TTC13: variants seen among roughly 807,000 people sequenced by gnomAD.
TTC13 encodes tetratricopeptide repeat protein 13.
A neutral mutation model predicts 120.0 loss-of-function variants in TTC13; 62 were observed. The observed-to-expected ratio is 0.52, with a 90% CI of 0.42 to 0.64. The LOEUF is 0.64. TTC13 is among the 30% of genes least tolerant of loss of function. The pLI is 0.00. For missense variants in TTC13, 824 were observed against 1,050.2 expected, an observed-to-expected ratio of 0.78 and a Z score of 2.98; for synonymous variants, 384 against 393.5, an observed-to-expected ratio of 0.98 and a Z score of 0.28.
Position 230,912,635 on chromosome 1 carries a change from T to G in TTC13, c.2217A>C (p.Ser739=). The change falls in exon 19 of 23, where the codon TCA becomes TCC. Residue 739 remains serine, a synonymous_variant. Coordinates refer to ENST00000366661, the MANE Select transcript of TTC13 (RefSeq NM_024525.5). ...AAGAGAAACCTACCCCAAATTCTGATGAAAGAATCAATACTTTTCCTTTTG... is the reference window on the plus strand; with the variant it reads ...AAGAGAAACCTACCCCAAATTCTGAGGAAAGAATCAATACTTTTCCTTTTG... ...LTAKGKVLIL[S]SEFGEADAVC... 6.2e-7 allele frequency: 1 copy of G among 1,610,802 alleles called. No homozygotes were observed. The highest frequency in any genetic ancestry group is 8.5e-7 in the Non-Finnish European group (1 of 1,179,378).
In TTC13 at chr1:230,931,774, G is replaced by A. The variant is rs753894060; in HGVS notation, c.1087C>T (p.His363Tyr). The A allele has an allele frequency of 3.1e-6, 5 of 1,614,126 alleles. No homozygotes were observed. In the South Asian group the frequency reaches 4.4e-5, roughly 14 times the overall value. The stretch of plus-strand genomic sequence containing the variant: ...AGGGCTTCCTGTAAGCTGCCGTGGT[G>A]GTAGAGCATCATTCCCCGGAGCTGG... ...TLQLRGMMLY[H>Y]HGSLQEALKN... The change falls in exon 10 of 23, where the codon CAC becomes TAC. Residue 363 changes from histidine to tyrosine, a missense_variant. Physicochemically the swap from His to Tyr is moderately conservative, Grantham distance 83. Coordinates refer to ENST00000366661, the MANE Select transcript of TTC13 (RefSeq NM_024525.5).
intron 2 of TTC13, among the ~76,000 whole-genome samples, chr1:230,959,335 G>C (rs1228567020): frequency 6.6e-6 from 1 of 151,736 alleles, no homozygotes; most frequent in Non-Finnish European, 1.5e-5. Flanking sequence ...TAAGTTGTTT[G>C]TATTCACTAG....
intron 8 of TTC13, among the ~76,000 whole-genome samples, chr1:230,934,286 C>T (rs915138610): frequency 1.3e-5 from 2 of 151,578 alleles, no homozygotes; most frequent in Non-Finnish European, 2.9e-5. Context: ...AAAATTGAAC[C>T]AAGAGACAAA....
Position 230,924,907 on chromosome 1 carries a change from C to T in TTC13, c.1655G>A (p.Arg552Gln), listed in dbSNP as rs1006733889. ...CATCAACCGTGTCTTCCCATTCATT[C>T]GAACTTTCGAGTTGGTCCATGTACG... ...VQRTWTNSKV[R>Q]MNGKTRLMQW... Residue 552 changes from arginine (R) to glutamine (Q), a missense_variant, in exon 14 of 23, where the codon CGA becomes CAA. This residue lies in a region of TTC13 where 430 missense variants were observed against 626.8 expected (regional missense o/e 0.69). Transcript: ENST00000366661. 5.6e-6 allele frequency: 9 copies of T among 1,614,064 alleles called. No individual in the cohort carries two copies. Among genetic ancestry groups the T allele is most frequent in the South Asian group, 2.2e-5 (2 of 91,086 alleles).
intron 1 of TTC13, among the ~76,000 whole-genome samples, chr1:230,967,403 A>ATT (rs66487730): frequency 2.3e-4 from 34 of 149,574 alleles, no homozygotes; most frequent in Non-Finnish European, 3.4e-4. Context: ...TTCCTATTCT[A>ATT]TTTTTTTTTT....
At chr1:230,927,284 C>G (rs1673130215) in intron 12 of TTC13, among the ~76,000 whole-genome samples, 1 of 152,112 alleles carries the variant, frequency 6.6e-6, no homozygotes, top group East Asian at 1.9e-4. Flanking sequence ...TGAGAATATT[C>G]AGCTTTACTA....
rs759647412 is a variant in TTC13, at chr1:230,931,394, A to G, written c.1204T>C (p.Tyr402His). Residue 402 changes from tyrosine (Y) to histidine (H), a missense_variant, in exon 11 of 23, where the codon TAT (tyrosine) becomes CAT (histidine). By Grantham distance (83) the Tyr-to-His change is moderately conservative. This residue lies in a region of TTC13 where 430 missense variants were observed against 626.8 expected (regional missense o/e 0.69). Transcript: ENST00000366661. Reference sequence around the variant, plus strand: ...TTTGTTTGTGCTTTTATCCCTTCATAAAACTGTCCCATGGCAACATGGCTG... The same window carrying G: ...TTTGTTTGTGCTTTTATCCCTTCATGAAACTGTCCCATGGCAACATGGCTG... ...GLSHVAMGQF[Y>H]EGIKAQTKVM... 1 of 1,614,228 alleles carries G rather than the reference A, an allele frequency of 6.2e-7. No homozygotes were observed.
intron 14 of TTC13, among the ~76,000 whole-genome samples, chr1:230,924,256 T>G (rs1273707722): frequency 1.3e-5 from 2 of 152,238 alleles, no homozygotes; most frequent in Non-Finnish European, 2.9e-5. Flanking sequence ...CCACAGGTAA[T>G]GGATCTGTTC....
rs148866872 is a variant in TTC13, at chr1:230,930,658, G to A, written c.1300+640C>T. 7.5e-3 allele frequency among the ~76,000 whole-genome samples: 1,137 copies of A among 152,284 alleles called. 12 individuals are homozygous for A. The highest frequency in any genetic ancestry group is 0.026 in the African/African-American group (1,067 of 41,552). On this transcript the variant is annotated intron_variant, in intron 11 of 22. Transcript: ENST00000366661. Reference sequence around the variant, plus strand: ...GAACCAGCTGGGCGTGGTGGCTCACGCCTGTAATCCCAGCACTTTGGGAGG... The same window carrying A: ...GAACCAGCTGGGCGTGGTGGCTCACACCTGTAATCCCAGCACTTTGGGAGG...
At chr1:230,958,394 G>T (rs1304786091) in intron 2 of TTC13, 95 bp from the exon 3 acceptor site, 2 of 1,393,800 alleles carry the variant, frequency 1.4e-6, no homozygotes, top group African/African-American at 1.5e-5. Context: ...TAAAATTAAG[G>T]CTACATTTGA....
chr1:230,916,390 A>C (rs1294492223), intron 17 of TTC13, 88 bp from the exon 18 acceptor site: 6 of 1,010,002 alleles, frequency 5.9e-6, no homozygotes, highest in Non-Finnish European at 7.8e-6. Context: ...TCTACCTTAC[A>C]TGTTTTTAAA....
rs902484119 is a variant in TTC13 at position 230,948,188 on chromosome 1, A to G, written c.514-2734T>C. 2.6e-5 allele frequency among the ~76,000 whole-genome samples: 4 copies of G among 152,298 alleles called. 1 individual carries two copies. The South Asian group carries it at 8.3e-4, about 32-fold the overall frequency. On this transcript the variant is annotated intron_variant, in intron 4 of 22. Transcript: ENST00000366661. ...TTTAAACTCCAAATCACTGAAATAC[A>G]TTTTACATTACAATCCAGTACACAC...
intron 19 of TTC13, 123 bp from the exon 20 acceptor site, chr1:230,911,672 A>C: frequency 1.7e-6 from 1 of 573,002 alleles, no homozygotes; most frequent in East Asian, 3.3e-5. Flanking sequence ...CTCCCCCATA[A>C]GAATCTACTT....
rs932441487 is a variant in TTC13 at position 230,944,977 on chromosome 1, C to T, written c.579+412G>A. ...TTTGATTACAGCTACAAAGATATTA[C>T]GCCATATGCAAAAAGTATAAAATAT... On this transcript the variant is annotated intron_variant, in intron 5 of 22. Coordinates refer to ENST00000366661, the MANE Select transcript of TTC13 (RefSeq NM_024525.5). This position sits in a 1 kb window ranked among gnomAD's most constrained non-coding sequence, Gnocchi z 4.0. Among the ~76,000 whole-genome samples, 8 of 152,220 alleles carry T rather than the reference C, an allele frequency of 5.3e-5. No individual in the cohort carries two copies. The highest frequency in any genetic ancestry group is 2.1e-4 in the South Asian group (1 of 4,826).
intron 1 of TTC13, among the ~76,000 whole-genome samples, chr1:230,969,188 G>A (rs535924220): frequency 6.6e-6 from 1 of 152,224 alleles, no homozygotes; most frequent in South Asian, 2.1e-4. Flanking sequence ...CGTGAACCTG[G>A]GAGGCGAAGC....
At chr1:230,941,946 G>A (rs1203296789) in intron 6 of TTC13, among the ~76,000 whole-genome samples, 2 of 152,116 alleles carry the variant, frequency 1.3e-5, no homozygotes. Context: ...AAGCATGAAA[G>A]TGAAAGATTA....
chr1:230,947,881 C>A (rs929097387), intron 4 of TTC13, among the ~76,000 whole-genome samples: 1 of 152,164 alleles, frequency 6.6e-6, no homozygotes, highest in Non-Finnish European at 1.5e-5. Flanking sequence ...GCTCTGGCAT[C>A]CTCCTGCTCT....
chr1:230,961,753 C>G (rs1676653905), intron 1 of TTC13, among the ~76,000 whole-genome samples: 1 of 152,134 alleles, frequency 6.6e-6, no homozygotes, highest in Non-Finnish European at 1.5e-5. Flanking sequence ...CTAAAGGCAA[C>G]AGGGTAGAAA....
intron 12 of TTC13, among the ~76,000 whole-genome samples, chr1:230,926,608 G>T (rs1168744477): frequency 6.6e-6 from 1 of 152,076 alleles, no homozygotes; most frequent in East Asian, 1.9e-4. Flanking sequence ...ACCAACCAAG[G>T]GTCACTCTTG....
Sources: allele counts gnomAD v4.1 joint callset (sites outside exome capture counted in the v4.1 genomes callset), GRCh38; gene constraint gnomAD v4.1.1; regional missense constraint gnomAD v4.1.1; non-coding constraint Gnocchi (gnomAD v3.1); transcripts MANE v1.5; gene names NCBI Gene and HGNC (gene_info 2026-07-23, HGNC 2026-07-21).